SLC10A7: variants seen among roughly 807,000 people sequenced by gnomAD.
The protein encoded by SLC10A7 is sodium/bile acid cotransporter 7.
SLC10A7 carries 29 observed loss-of-function variants against 43.2 expected under a neutral mutation model. That is an observed-to-expected ratio of 0.67 (90% CI 0.50 to 0.92). The LOEUF is 0.92. Among genes scored for constraint, SLC10A7 ranks in the 40% least tolerant of loss-of-function variants. SLC10A7 has a pLI of 0.00. For missense variants in SLC10A7, 295 were observed against 403.2 expected, an observed-to-expected ratio of 0.73 and a Z score of 2.30; for synonymous variants, 152 against 144.8, an observed-to-expected ratio of 1.05 and a Z score of -0.35.
chr4:146,289,892 T>C (rs1434411950), intron 9 of SLC10A7, among the ~76,000 whole-genome samples: 1 of 150,256 alleles, frequency 6.7e-6, no homozygotes, highest in Non-Finnish European at 1.5e-5. Flanking sequence ...ATTTTTGTAT[T>C]TTTAGTAGAG....
At chr4:146,479,061 A>G (rs1734253248) in intron 4 of SLC10A7, among the ~76,000 whole-genome samples, 1 of 152,140 alleles carries the variant, frequency 6.6e-6, no homozygotes, top group Non-Finnish European at 1.5e-5. Context: ...GTGAACTTTG[A>G]TATTTTATCC....
chr4:146,292,811 G>A (rs758258761), intron 9 of SLC10A7, 118 bp downstream of exon 9: 22 of 657,718 alleles, frequency 3.3e-5, no homozygotes, highest in African/African-American at 1.1e-4. Context: ...AGGGAGACAG[G>A]AGAAAAACAT....
chr4:146,513,042 G>A (rs1039181269), intron 2 of SLC10A7, among the ~76,000 whole-genome samples: 12 of 152,024 alleles, frequency 7.9e-5, no homozygotes, highest in African/African-American at 2.9e-4. Flanking sequence ...AGTAGAATAT[G>A]CATGTGTATG....
intron 6 of SLC10A7, among the ~76,000 whole-genome samples, chr4:146,316,983 AGAGGTAAAAACT>A (rs1398255972): frequency 6.4e-4 from 97 of 152,242 alleles, no homozygotes; most frequent in African/African-American, 2.3e-3. Flanking sequence ...TTCATTTTAC[AGAGGTAAAAACT>A]GAGGCTGAGA....
At position 146,367,374 on chromosome 4, in the gene SLC10A7, ATTAAGCACTTGAAAGG is replaced by A. The variant is rs1177963126; in HGVS notation, c.436-41394_436-41379del. ...CAAAAGCCACTAGCCACATGTAGCT[ATTAAGCACTTGAAAGG>A]TGGCTAGTGCAACTAAGGAATGAAA... On this transcript the variant is annotated intron_variant, in intron 5 of 11. Transcript: ENST00000335472. 1.2e-3 allele frequency among the ~76,000 whole-genome samples: 183 copies of A among 152,324 alleles called. 2 individuals carry two copies. Among genetic ancestry groups the A allele is most frequent in the Middle Eastern group, 0.01 (3 of 294 alleles).
intron 3 of SLC10A7, among the ~76,000 whole-genome samples, chr4:146,508,154 A>C (rs141664545): frequency 2.6e-5 from 4 of 152,300 alleles, no homozygotes; most frequent in Non-Finnish European, 5.9e-5. Flanking sequence ...CGCATTTTTG[A>C]AATCTCTACG....
intron 4 of SLC10A7, among the ~76,000 whole-genome samples, chr4:146,499,470 T>G (rs1027918769): frequency 6.6e-6 from 1 of 152,208 alleles, no homozygotes; most frequent in Admixed American, 6.5e-5. Flanking sequence ...AAGATTAATC[T>G]TCTTTCACAT....
chr4:146,280,195 C>T (rs57305184), intron 10 of SLC10A7, among the ~76,000 whole-genome samples: 9,632 of 152,098 alleles, frequency 0.063, 422 homozygotes, highest in South Asian at 0.2. Flanking sequence ...TATACACACA[C>T]ATATATAATC....
rs201532547 is a variant in SLC10A7 at position 146,466,244 on chromosome 4, T to G, written c.397-23423A>C. On this transcript the variant is annotated intron_variant, in intron 4 of 11. Transcript: ENST00000335472. ...TTGTTATATTATCTGAAATGCAAAT[T>G]GGAGTCCAGAAGAAGATGTTTAATA... 5.9e-5 allele frequency among the ~76,000 whole-genome samples: 9 copies of G among 152,306 alleles called. No homozygotes were observed. In the East Asian group the frequency reaches 1.7e-3, roughly 29 times the overall value.
intron 1 of SLC10A7, among the ~76,000 whole-genome samples, chr4:146,520,239 C>CT (rs1425250833): frequency 6.8e-6 from 1 of 147,002 alleles, no homozygotes; most frequent in Non-Finnish European, 1.5e-5. Context: ...CAAAGGTACT[C>CT]TAAGTCTTAC....
At chr4:146,325,915 G>A in intron 6 of SLC10A7, 46 bp downstream of exon 6, 1 of 1,544,878 alleles carries the variant, frequency 6.5e-7, no homozygotes, top group Non-Finnish European at 8.9e-7. Flanking sequence ...AAGGGTTGTA[G>A]ATAGCTTTTA....
At chr4:146,489,778 G>C (rs1386403996) in intron 4 of SLC10A7, among the ~76,000 whole-genome samples, 1 of 152,118 alleles carries the variant, frequency 6.6e-6, no homozygotes, top group Non-Finnish European at 1.5e-5. Flanking sequence ...ACCTGAGACA[G>C]GGCTTTTCCC....
chr4:146,404,168 C>T (rs1401024917), intron 5 of SLC10A7, among the ~76,000 whole-genome samples: 2 of 152,148 alleles, frequency 1.3e-5, no homozygotes, highest in African/African-American at 2.4e-5. Context: ...GAGAGCACCA[C>T]TATACCTGGC....
rs189383543 is a variant in SLC10A7 at position 146,491,940 on chromosome 4, G to A, written c.396+11909C>T. Among the ~76,000 whole-genome samples the A allele has an allele frequency of 3.6e-3, 544 of 152,234 alleles. 5 individuals are homozygous for A. Among genetic ancestry groups the A allele is most frequent in the African/African-American group, 0.012 (496 of 41,548 alleles). ...TACTTAGAAAGACACAGCCAGGGCC[G>A]GGTGCGGTGGGTCACGCCTGTAATC... On this transcript the variant is annotated intron_variant, in intron 4 of 11. Transcript: ENST00000335472.
At chr4:146,330,213 T>C (rs1733434686) in intron 5 of SLC10A7, among the ~76,000 whole-genome samples, 1 of 152,010 alleles carries the variant, frequency 6.6e-6, no homozygotes, top group Non-Finnish European at 1.5e-5. Context: ...TGCATCAAAA[T>C]ACAAACAAAA....
chr4:146,289,135 C>T (rs1730232338), intron 9 of SLC10A7, among the ~76,000 whole-genome samples: 1 of 152,168 alleles, frequency 6.6e-6, no homozygotes, highest in Admixed American at 6.5e-5. Flanking sequence ...TCAGAGAAGA[C>T]CTCTTCCGTC....
chr4:146,382,804 CT>C (rs1737723438), intron 5 of SLC10A7, among the ~76,000 whole-genome samples: 1 of 151,996 alleles, frequency 6.6e-6, no homozygotes, highest in Non-Finnish European at 1.5e-5. Flanking sequence ...GTCCTTTCCT[CT>C]TCATAATATC....
intron 5 of SLC10A7, among the ~76,000 whole-genome samples, chr4:146,424,674 A>C (rs28366802): frequency 0.015 from 2,284 of 152,114 alleles, 53 homozygotes; most frequent in African/African-American, 0.05. Flanking sequence ...AAAAACAAAA[A>C]AAAAACAAAA....
At chr4:146,464,155 T>G (rs1356014811) in intron 4 of SLC10A7, among the ~76,000 whole-genome samples, 1 of 150,244 alleles carries the variant, frequency 6.7e-6, no homozygotes, top group East Asian at 1.9e-4. Flanking sequence ...AAAAAAAAGC[T>G]GGAACTATCA....
Sources: gnomAD v4.1 joint callset for allele counts (sites outside exome capture counted in the v4.1 genomes callset) on GRCh38, gnomAD v4.1.1 for gene constraint, MANE v1.5 for transcripts, NCBI Gene and HGNC (gene_info 2026-07-23, HGNC 2026-07-21) for gene names.